The following CNBD1 variants were observed in gnomAD, a reference collection of about 807,000 sequenced individuals.
CNBD1 encodes the protein cyclic nucleotide-binding domain-containing protein 1.
A neutral mutation model predicts 54.4 loss-of-function variants in CNBD1; 71 were observed. That is an observed-to-expected ratio of 1.30 (90% confidence interval 1.08 to 1.59). The LOEUF is 1.59. Ranked by LOEUF, CNBD1 falls within the 40% of genes most tolerant of loss-of-function variation. CNBD1 has a pLI of 0.00. For synonymous variants in CNBD1, 182 were observed against 170.7 expected, an observed-to-expected ratio of 1.07 and a Z score of -0.51; for missense variants, 659 against 518.0, an observed-to-expected ratio of 1.27 and a Z score of -2.64.
intron 2 of CNBD1, among the ~76,000 whole-genome samples, chr8:87,412,031 G>T (rs1446323354): frequency 6.6e-6 from 1 of 151,646 alleles, no homozygotes; most frequent in East Asian, 1.9e-4. Context: ...AGTGCTTTTG[G>T]GGCACAAATA....
At chr8:86,884,024 C>T (rs1280048194) in intron 1 of CNBD1, among the ~76,000 whole-genome samples, 1 of 150,950 alleles carries the variant, frequency 6.6e-6, no homozygotes, top group Non-Finnish European at 1.5e-5. Flanking sequence ...TAGTGGCGGG[C>T]GCCTGTAGTC....
intron 4 of CNBD1, among the ~76,000 whole-genome samples, chr8:87,145,898 G>A (rs1425418169): frequency 1.3e-5 from 2 of 151,978 alleles, no homozygotes; most frequent in Non-Finnish European, 2.9e-5. Context: ...ACAGTCTGCA[G>A]GATCATATTT....
At chr8:87,207,758 T>C (rs980532407) in intron 5 of CNBD1, among the ~76,000 whole-genome samples, 8 of 152,156 alleles carry the variant, frequency 5.3e-5, no homozygotes, top group African/African-American at 9.6e-5. Context: ...ACTCACGTGA[T>C]TGACGATTAA....
chr8:87,264,686 C>A (rs1026339876), intron 6 of CNBD1, among the ~76,000 whole-genome samples: 1 of 152,094 alleles, frequency 6.6e-6, no homozygotes, highest in Admixed American at 6.5e-5. Context: ...TTAGTGATCG[C>A]CATTCTAACT....
At chr8:87,321,096 A>G (rs1186986190) in intron 8 of CNBD1, among the ~76,000 whole-genome samples, 2 of 152,288 alleles carry the variant, frequency 1.3e-5, no homozygotes, top group African/African-American at 2.4e-5. Flanking sequence ...TTTTGTCAAT[A>G]TCACTTAGTT....
chr8:87,387,585 G>C (rs914518102), downstream of CNBD1, among the ~76,000 whole-genome samples: 1 of 152,116 alleles, frequency 6.6e-6, no homozygotes, highest in Non-Finnish European at 1.5e-5. Context: ...ACCCAATACA[G>C]GAGCACCCAG....
chr8:87,397,220 G>A (rs1054768294), intron 2 of CNBD1, among the ~76,000 whole-genome samples: 1 of 151,584 alleles, frequency 6.6e-6, no homozygotes, highest in Admixed American at 6.6e-5. Flanking sequence ...TATTTACACT[G>A]GAATTAGGCA....
intron 4 of CNBD1, among the ~76,000 whole-genome samples, chr8:87,186,256 T>C (rs775879823): frequency 6.6e-6 from 1 of 152,158 alleles, no homozygotes; most frequent in Non-Finnish European, 1.5e-5. Flanking sequence ...AGCTGAACTC[T>C]TGTTCATTCT....
intron 6 of CNBD1, among the ~76,000 whole-genome samples, chr8:87,270,620 A>T (rs990669872): frequency 6.6e-6 from 1 of 151,840 alleles, no homozygotes; most frequent in African/African-American, 2.4e-5. Context: ...TGGGTATATA[A>T]CCAAATAAAT....
intron 4 of CNBD1, among the ~76,000 whole-genome samples, chr8:87,201,569 C>T (rs1813862476): frequency 6.6e-6 from 1 of 152,024 alleles, no homozygotes; most frequent in Non-Finnish European, 1.5e-5. Flanking sequence ...CAAATCTACA[C>T]ACCATCAATG....
rs943982402 is a variant in CNBD1, at chr8:87,371,673, C to T, written c.1304-10947C>T. Among the ~76,000 whole-genome samples the T allele has an allele frequency of 6.0e-4, 92 of 152,116 alleles. 1 individual carries two copies. The South Asian group carries it at 0.011, about 17-fold the overall frequency. Reference sequence around the variant, plus strand: ...TGGGCTTCATCCCTGGGATGCAAGGCTGGTTCAATATATGCAAATCAATAA... The same window carrying T: ...TGGGCTTCATCCCTGGGATGCAAGGTTGGTTCAATATATGCAAATCAATAA... On this transcript the variant is annotated intron_variant, in intron 10 of 10. Transcript: ENST00000518476.
At chr8:86,956,119 TC>T (rs1807762452) in intron 4 of CNBD1, among the ~76,000 whole-genome samples, 1 of 152,060 alleles carries the variant, frequency 6.6e-6, no homozygotes, top group East Asian at 1.9e-4. Context: ...TTTCTCAGGT[TC>T]GTCAAAGATC....
chr8:87,336,886 C>T (rs765895877), intron 8 of CNBD1, among the ~76,000 whole-genome samples: 12 of 152,016 alleles, frequency 7.9e-5, no homozygotes. Flanking sequence ...TTTTTGGTGA[C>T]TTTTTTTGTT....
At chr8:87,278,593 G>C (rs7816463) in intron 6 of CNBD1, among the ~76,000 whole-genome samples, 1 of 151,126 alleles carries the variant, frequency 6.6e-6, no homozygotes, top group African/African-American at 2.4e-5. Context: ...GCAAAATAAC[G>C]TTGTATTCAG....
chr8:87,186,419 A>G (rs1405633836), intron 4 of CNBD1, among the ~76,000 whole-genome samples: 1 of 152,130 alleles, frequency 6.6e-6, no homozygotes, highest in Non-Finnish European at 1.5e-5. Flanking sequence ...CCATCTCCTG[A>G]ATTTACAACC....
rs141250238 is a variant in CNBD1, at chr8:87,155,816, G to C, written c.432-50177G>C. Among the ~76,000 whole-genome samples, 302 of 152,244 alleles carry C rather than the reference G, an allele frequency of 2.0e-3. 1 individual carries two copies. The highest frequency in any genetic ancestry group is 6.6e-3 in the African/African-American group (276 of 41,526). On this transcript the variant is annotated intron_variant, in intron 4 of 10. Transcript: ENST00000518476. ...TCATGACATCAATCAGGTTCTTTAG[G>C]AGGGTGTGTGGAACAAGAATACTAC...
At chr8:87,282,239 C>T (rs1808614955) in intron 6 of CNBD1, among the ~76,000 whole-genome samples, 1 of 151,490 alleles carries the variant, frequency 6.6e-6, no homozygotes, top group South Asian at 2.1e-4. Context: ...TAACTTTCTG[C>T]TTGTCTGTTC....
At position 87,048,451 on chromosome 8, in the gene CNBD1, G is replaced by A. The variant is rs979742206; in HGVS notation, c.431+108697G>A. On this transcript the variant is annotated intron_variant, in intron 4 of 10. Transcript: ENST00000518476. Reference sequence around the variant, plus strand: ...TGAGTTTCTTGAGAGAGCTTCCTCAGGTACCTCTTAATGACATCATTTGTT... The same window carrying A: ...TGAGTTTCTTGAGAGAGCTTCCTCAAGTACCTCTTAATGACATCATTTGTT... Among the ~76,000 whole-genome samples, 3 of 152,230 alleles carry A rather than the reference G, an allele frequency of 2.0e-5. No individual in the cohort carries two copies. The East Asian group carries it at 5.8e-4, about 29-fold the overall frequency.
At chr8:86,868,581 T>C (rs1422813129) in intron 1 of CNBD1, among the ~76,000 whole-genome samples, 2 of 147,606 alleles carry the variant, frequency 1.4e-5, no homozygotes, top group African/African-American at 5.0e-5. Context: ...TCTGCCCCCC[T>C]CAGCCTCCCA....
Sources: gnomAD v4.1 joint callset for allele counts (sites outside exome capture counted in the v4.1 genomes callset) on GRCh38, gnomAD v4.1.1 for gene constraint, MANE v1.5 for transcripts, NCBI Gene and HGNC (gene_info 2026-07-23, HGNC 2026-07-21) for gene names.